TENM3: variants seen among roughly 807,000 people sequenced by gnomAD.
TENM3 encodes teneurin transmembrane protein 3.
In TENM3, 63 loss-of-function variants were observed where a neutral mutation model predicts 255.1. The ratio of observed to expected loss-of-function variants is 0.25; its 90% CI spans 0.20 to 0.30. The LOEUF (loss-of-function observed/expected upper bound fraction) is 0.30, where lower values mean the gene tolerates loss of function less well. Ranked by LOEUF, TENM3 falls within the 10% of genes least tolerant of loss-of-function variation. TENM3 has a pLI of 1.00. For synonymous variants in TENM3, 1,306 were observed against 1,322.3 expected, an observed-to-expected ratio of 0.99 and a Z score of 0.27; for missense variants, 2,929 against 3,461.1, an observed-to-expected ratio of 0.85 and a Z score of 3.86.
At chr4:182,241,518 C>CTTTTTTTTTTTTTTTTTT (rs982739950), upstream of TENM3, among the ~76,000 whole-genome samples, 88 of 114,278 alleles carry the variant, frequency 7.7e-4, no homozygotes, top group Non-Finnish European at 9.5e-4. Context: ...TTTTTTCTTT[C>CTTTTTTTTTTTTTTTTTT]TTTTTTTTTT....
At chr4:181,470,622 T>A in the TENM3 span, among the ~76,000 whole-genome samples, 1 of 152,184 alleles carries the variant, frequency 6.6e-6, no homozygotes, top group Non-Finnish European at 1.5e-5. Context: ...AAGGTTAAAT[T>A]TATTTCCTCT....
intron 11 of TENM3, among the ~76,000 whole-genome samples, chr4:182,684,738 C>T (rs1022280937): frequency 2.6e-5 from 4 of 152,150 alleles, no homozygotes; most frequent in Non-Finnish European, 5.9e-5. Context: ...CTTAATTTCT[C>T]ATCAATTCAG....
chr4:182,319,677 A>G (rs1374381713), intron 1 of TENM3, among the ~76,000 whole-genome samples: 1 of 152,254 alleles, frequency 6.6e-6, no homozygotes, highest in East Asian at 1.9e-4. Flanking sequence ...GTATTGATTT[A>G]TAAACTTTAG....
chr4:182,621,135 C>G (rs539543456), intron 4 of TENM3, among the ~76,000 whole-genome samples: 1 of 151,432 alleles, frequency 6.6e-6, no homozygotes, highest in Non-Finnish European at 1.5e-5. Flanking sequence ...GAACCGAGGT[C>G]GCACCACTGC....
chr4:182,042,438 G>A, the TENM3 span, among the ~76,000 whole-genome samples: 16 of 152,132 alleles, frequency 1.1e-4, no homozygotes, highest in African/African-American at 3.9e-4. Context: ...TGAGTGTACA[G>A]TAACATGTCC....
chr4:182,476,725 C>T (rs1021215318), intron 3 of TENM3, among the ~76,000 whole-genome samples: 2 of 152,134 alleles, frequency 1.3e-5, no homozygotes, highest in African/African-American at 2.4e-5. Flanking sequence ...AATACTTCCA[C>T]GGATAAAGTA....
At chr4:181,971,022 A>T in the TENM3 span, among the ~76,000 whole-genome samples, 1 of 152,114 alleles carries the variant, frequency 6.6e-6, no homozygotes, top group African/African-American at 2.4e-5. Context: ...ATCACTGCTC[A>T]CTGCAGCCTC....
intron 5 of TENM3, among the ~76,000 whole-genome samples, chr4:182,645,897 G>A (rs1752704903): frequency 6.6e-6 from 1 of 152,194 alleles, no homozygotes; most frequent in Admixed American, 6.6e-5. Context: ...AACTCAAGGG[G>A]AGTAGATGAT....
At chr4:181,533,681 T>G in the TENM3 span, among the ~76,000 whole-genome samples, 1 of 152,116 alleles carries the variant, frequency 6.6e-6, no homozygotes, top group Non-Finnish European at 1.5e-5. Context: ...CAAAATACAT[T>G]TTTAAACTAT....
chr4:182,249,867 G>A (rs886202999), intron 1 of TENM3, among the ~76,000 whole-genome samples: 1 of 151,560 alleles, frequency 6.6e-6, no homozygotes, highest in African/African-American at 2.4e-5. Context: ...TGAGCTCAAG[G>A]GATCCTCCAC....
the TENM3 span, among the ~76,000 whole-genome samples, chr4:181,508,881 T>A: frequency 8.0e-5 from 12 of 150,348 alleles, no homozygotes; most frequent in Non-Finnish European, 1.6e-4. Context: ...CGATGGGGAT[T>A]ATTTCCAACA....
At chr4:181,611,138 A>G in the TENM3 span, among the ~76,000 whole-genome samples, 2 of 152,228 alleles carry the variant, frequency 1.3e-5, no homozygotes, top group African/African-American at 4.8e-5. Context: ...TGATGGATTT[A>G]AATTAGTACA....
chr4:181,877,271 C>T, the TENM3 span: 5 of 151,982 alleles, frequency 3.3e-5, no homozygotes, highest in African/African-American at 4.8e-5. Flanking sequence ...AATAGTAATT[C>T]GTGATAAAAA....
the TENM3 span, among the ~76,000 whole-genome samples, chr4:181,764,198 A>T: frequency 6.6e-6 from 1 of 152,044 alleles, no homozygotes; most frequent in East Asian, 1.9e-4. Flanking sequence ...TTATATTCAC[A>T]AATTTTAAAT....
chr4:182,256,598 G>A (rs577979123), intron 1 of TENM3, among the ~76,000 whole-genome samples: 1 of 152,286 alleles, frequency 6.6e-6, no homozygotes, highest in South Asian at 2.1e-4. Context: ...AGTTGGTCAA[G>A]TCATCCCCTG....
At chr4:181,456,835 A>C in the TENM3 span, among the ~76,000 whole-genome samples, 1 of 151,132 alleles carries the variant, frequency 6.6e-6, no homozygotes, top group African/African-American at 2.4e-5. Context: ...TTATAATTGC[A>C]AGTCTACATT....
intron 6 of TENM3, among the ~76,000 whole-genome samples, chr4:182,655,569 C>T (rs145506433): frequency 4.5e-4 from 69 of 152,258 alleles, no homozygotes; most frequent in African/African-American, 1.6e-3. Flanking sequence ...TTCAAATCCT[C>T]GCTCTTTCGC....
the TENM3 span, among the ~76,000 whole-genome samples, chr4:181,907,263 G>C: frequency 7.2e-5 from 11 of 152,326 alleles, no homozygotes; most frequent in South Asian, 2.3e-3. Flanking sequence ...GCAACAGGGA[G>C]CCAGGAGGAC....
At chr4:182,308,201 G>A (rs143245494) in intron 1 of TENM3, among the ~76,000 whole-genome samples, 73 of 152,338 alleles carry the variant, frequency 4.8e-4, no homozygotes, top group African/African-American at 5.1e-4. Context: ...CTGGGCAACC[G>A]CAAAGCACAG....
Sources: allele counts gnomAD v4.1 joint callset (sites outside exome capture counted in the v4.1 genomes callset), GRCh38; gene constraint gnomAD v4.1.1; transcripts MANE v1.5; gene names NCBI Gene and HGNC (gene_info 2026-07-23, HGNC 2026-07-21).